Variants in SPINK5 observed in about 807,000 individuals in gnomAD.
SPINK5 encodes serine peptidase inhibitor Kazal type 5.
In SPINK5, 125 loss-of-function variants were observed where a neutral mutation model predicts 151.8. The ratio of observed to expected loss-of-function variants is 0.82; its 90% confidence interval spans 0.71 to 0.96. SPINK5 has a LOEUF of 0.96. Ranked by LOEUF, SPINK5 falls within the 40% of genes least tolerant of loss-of-function variation. SPINK5 has a pLI of 0.00. For synonymous variants in SPINK5, 374 were observed against 395.3 expected (o/e 0.95, Z 0.64); for missense variants, 1,194 against 1,291.9 (o/e 0.92, Z 1.16).
rs567331901 is a variant in SPINK5 at position 148,101,857 on chromosome 5, G to C, written c.1379G>C (p.Gly460Ala). 1 of 1,613,796 alleles carries C rather than the reference G, an allele frequency of 6.2e-7. No homozygotes were observed. Among genetic ancestry groups the C allele is most frequent in the South Asian group, 1.1e-5 (1 of 91,080 alleles). The change falls in exon 15 of 33, where the codon GGC becomes GCC. Residue 460 changes from glycine to alanine, a missense_variant. Transcript: ENST00000256084. The part of the protein sequence containing the change: ...FCTRENDPIQ[G>A]PDGKMHGNTC... Reference sequence around the variant, plus strand: ...ACCAGAGAGAATGACCCCATCCAGGGCCCAGATGGAAAAATGCATGGCAAC... The same window carrying C: ...ACCAGAGAGAATGACCCCATCCAGGCCCCAGATGGAAAAATGCATGGCAAC...
intron 22 of SPINK5, among the ~76,000 whole-genome samples, chr5:148,117,982 T>C (rs1326039290): frequency 6.6e-6 from 1 of 152,148 alleles, no homozygotes; most frequent in Admixed American, 6.5e-5. Flanking sequence ...GGTCCCCTTT[T>C]CTCTGCAGAT....
At position 148,099,214 on chromosome 5, in the gene SPINK5, T is replaced by G. The variant is rs1437174846; in HGVS notation, c.1011-20T>G. 2.5e-6 allele frequency: 4 copies of G among 1,598,368 alleles called. No individual in the cohort carries two copies. In the African/African-American group the frequency reaches 4.0e-5, roughly 16 times the overall value. ...TGTGTTTGTTCCTAATGGATCTGCT[T>G]CTTTTTCCCTCTTATTCAGCCAAGC... On this transcript the variant is annotated intron_variant, in intron 11 of 32. Transcript: ENST00000256084.
intron 5 of SPINK5, among the ~76,000 whole-genome samples, chr5:148,087,872 C>T (rs971362469): frequency 2.6e-5 from 4 of 151,514 alleles, no homozygotes; most frequent in Non-Finnish European, 5.9e-5. Context: ...TTATAGTGCC[C>T]CTCAGCTGAT....
rs1431258015 is a variant in SPINK5, at chr5:148,123,946, G to A, written c.2652G>A (p.Met884Ile). 7 of 1,613,864 alleles carry A rather than the reference G, an allele frequency of 4.3e-6. No individual in the cohort carries two copies. In the Admixed American group the frequency reaches 1.2e-4, roughly 27 times the overall value. The change falls in exon 27 of 33, where the codon ATG (methionine) becomes ATA (isoleucine). Residue 884 changes from methionine to isoleucine, a missense_variant. Transcript: ENST00000256084. ...YGKMHINKCA[M>I]CQSIFDREAN... ...AGATGCACATCAATAAATGTGCTAT[G>A]TGTCAGAGCATCTTGTACGTAAAAA...
chr5:148,106,677 T>C (rs1008729881), intron 16 of SPINK5, among the ~76,000 whole-genome samples: 1 of 152,054 alleles, frequency 6.6e-6, no homozygotes, highest in Admixed American at 6.6e-5. Context: ...TTTTTTCTCT[T>C]CTTTCTCAGA....
At chr5:148,116,585 G>T in intron 22 of SPINK5, 119 bp downstream of exon 22, 1 of 1,016,910 alleles carries the variant, frequency 9.8e-7, no homozygotes, top group Non-Finnish European at 1.5e-6. Context: ...GAACAGAGAA[G>T]TTTCTCCTTA....
chr5:148,088,538 C>T lies in SPINK5; in HGVS notation c.411-4C>T, dbSNP rs1168636585. ...CTGCTGTGTCTACTAACTTTTGATT[C>T]TAGGAAAACCGGGTCCCAAATTGGT... On this transcript the variant is annotated splice_polypyrimidine_tract_variant and splice_region_variant and intron_variant, in intron 5 of 32. Transcript: ENST00000256084. The T allele has an allele frequency of 6.2e-7, 1 of 1,611,376 alleles. No homozygotes were observed. Among genetic ancestry groups the T allele is most frequent in the Admixed American group, 1.7e-5 (1 of 59,766 alleles).
At position 148,064,007 on chromosome 5, in the gene SPINK5, A is replaced by ACCAGC. The variant is rs1561668891; in HGVS notation, c.-38_-37insCCAGC. On this transcript the variant is annotated 5_prime_UTR_variant, in exon 1 of 33. An upstream start codon of the reference 5' UTR is lost. Transcript: ENST00000256084. ...TCATACTGCACCAGCTGAGCAATGCATGGAGTGGACCTGTAGGCGACTTGC... is the reference window on the plus strand; with the variant it reads ...TCATACTGCACCAGCTGAGCAATGCACCAGCTGGAGTGGACCTGTAGGCGACTTGC... 1.9e-6 allele frequency: 3 copies of ACCAGC among 1,613,136 alleles called. No individual in the cohort carries two copies. The South Asian group carries it at 3.3e-5, about 18-fold the overall frequency.
At chr5:148,134,108 T>C (rs760174986) in intron 32 of SPINK5, 1 of 603,916 alleles carries the variant, frequency 1.7e-6, no homozygotes, top group Non-Finnish European at 3.0e-6. Context: ...ATTTAATGGG[T>C]CCATTAATAG....
At chr5:148,118,719 A>G (rs1410223938) in intron 23 of SPINK5, among the ~76,000 whole-genome samples, 155 bp downstream of exon 23, 1 of 152,210 alleles carries the variant, frequency 6.6e-6, no homozygotes. Flanking sequence ...TCTAAGGAAC[A>G]ATGAGCCTTA....
At chr5:148,108,342 A>C (rs1409308957) in intron 17 of SPINK5, among the ~76,000 whole-genome samples, 1 of 152,214 alleles carries the variant, frequency 6.6e-6, no homozygotes, top group Non-Finnish European at 1.5e-5. Flanking sequence ...AACATGGTTT[A>C]TTATGATTTT....
At chr5:148,107,260 G>C (rs1384543198) in intron 17 of SPINK5, 96 bp downstream of exon 17, 2 of 1,413,148 alleles carry the variant, frequency 1.4e-6, no homozygotes, top group East Asian at 5.0e-5. Flanking sequence ...TAGACCGTGA[G>C]TTATATATTA....
chr5:148,111,866 C>T lies in SPINK5; in HGVS notation c.1791C>T (p.Gly597=). ...PIEGLDGKIH[G]NTCSMCEAFF... is the part of the protein sequence containing the mutation. ...AGGGTCTAGATGGGAAAATCCACGG[C>T]AACACCTGCTCCATGTGTGAAGCCT... The change falls in exon 19 of 33, where the codon GGC becomes GGT. Residue 597 remains glycine, a synonymous_variant. Transcript: ENST00000256084. 1.9e-6 allele frequency: 3 copies of T among 1,614,042 alleles called. No homozygotes were observed. The South Asian group carries it at 3.3e-5, about 18-fold the overall frequency.
intron 20 of SPINK5, among the ~76,000 whole-genome samples, chr5:148,113,230 G>A (rs1043481774): frequency 3.9e-5 from 6 of 152,108 alleles, no homozygotes; most frequent in African/African-American, 1.4e-4. Context: ...AAAAACAAAC[G>A]GCTGGCCAGA....
chr5:148,111,545 GAAT>G (rs1216351774), intron 18 of SPINK5, among the ~76,000 whole-genome samples: 1 of 152,170 alleles, frequency 6.6e-6, no homozygotes, highest in Non-Finnish European at 1.5e-5. Flanking sequence ...GCCTAGTGCA[GAAT>G]AATATTTGAC....
In SPINK5 at chr5:148,131,328, CCTGT is replaced by C; in HGVS notation, c.3039_3042del (p.Cys1014ValfsTer18). 1.2e-6 allele frequency: 2 copies of C among 1,613,934 alleles called. No individual in the cohort carries two copies. The highest frequency in any genetic ancestry group is 2.2e-5 in the South Asian group (2 of 91,082). On this transcript the variant is annotated frameshift_variant, in exon 31 of 33. Coordinates refer to ENST00000256084, the MANE Select transcript of SPINK5 (RefSeq NM_006846.4). LOFTEE classifies it high-confidence loss of function. ...TTATCTTTGTCCAAAGGATTTAAAG[CCTGT>C]CTGTGGTGACGATGGCCAAACCTAC... is the stretch of plus-strand genomic sequence containing the variant.
intron 26 of SPINK5, among the ~76,000 whole-genome samples, chr5:148,123,051 A>C (rs116568632): frequency 0.01 from 1,559 of 151,976 alleles, 35 homozygotes; most frequent in African/African-American, 0.036. Flanking sequence ...AGAAAATGGT[A>C]TTAAAATGAG....
chr5:148,065,323 T>C (rs548670097), intron 1 of SPINK5, 24 bp from the exon 2 acceptor site: 9 of 1,611,684 alleles, frequency 5.6e-6, no homozygotes, highest in Middle Eastern at 3.3e-4. Context: ...TTCCTTAACT[T>C]TGGTTTCTAT....
At chr5:148,091,604 TAAATTAA>T (rs1474468109) in intron 8 of SPINK5, among the ~76,000 whole-genome samples, 1 of 151,828 alleles carries the variant, frequency 6.6e-6, no homozygotes, top group Non-Finnish European at 1.5e-5. Context: ...CAATGAAATA[TAAATTAA>T]ACAGGAATAA....
Sources: gnomAD v4.1 joint callset for allele counts (sites outside exome capture counted in the v4.1 genomes callset) on GRCh38, gnomAD v4.1.1 for gene constraint, MANE v1.5 for transcripts, NCBI Gene and HGNC (gene_info 2026-07-23, HGNC 2026-07-21) for gene names.